Variants in PINK1 observed in about 807,000 individuals in gnomAD.
PINK1 encodes PTEN induced kinase 1, also known as serine/threonine-protein kinase PINK1, mitochondrial.
In PINK1, 58 loss-of-function variants were observed where a neutral mutation model predicts 56.0. The ratio of observed to expected loss-of-function variants is 1.04; its 90% CI spans 0.84 to 1.29. PINK1 has a LOEUF of 1.29. Among genes scored for constraint, PINK1 ranks in the 50% most tolerant of loss-of-function variants. The probability of loss-of-function intolerance (pLI) is 0.00; values close to 1 mark genes in which losing one functional copy is unlikely to be tolerated. For synonymous variants in PINK1, 354 were observed against 339.3 expected, an observed-to-expected ratio of 1.04 and a Z score of -0.48; for missense variants, 745 against 777.9, an observed-to-expected ratio of 0.96 and a Z score of 0.50.
chr1:20,633,630 G>A lies in PINK1; in HGVS notation c.82G>A (p.Ala28Thr), dbSNP rs2053015233. 7 of 1,312,346 alleles carry A rather than the reference G, an allele frequency of 5.3e-6. No individual in the cohort carries two copies. The East Asian group carries it at 1.3e-4, about 24-fold the overall frequency. 81.3% of individuals were successfully genotyped at this position (1,312,346 alleles called of 1,614,324 possible). Residue 28 changes from alanine to threonine, a missense_variant, in exon 1 of 8, where the codon GCC (alanine) becomes ACC (threonine). Transcript: ENST00000321556. ...LLRFTGKPGR[A>T]YGLGRPGPAA... The stretch of plus-strand genomic sequence containing the variant: ...GCGCTTCACGGGCAAGCCCGGCCGG[G>A]CCTACGGCTTGGGGCGGCCGGGCCC...
chr1:20,639,682 G>C (rs2154533683), intron 2 of PINK1: 1 of 635,882 alleles, frequency 1.6e-6, no homozygotes, highest in Non-Finnish European at 2.9e-6. Context: ...GGAGTGTGAA[G>C]AATCCTCTGA....
rs552625273 is a variant in PINK1, at chr1:20,638,125, T to G, written c.671T>G (p.Ile224Ser). ...TTGGCCATCAAGATGATGTGGAACA[T>G]CTCGGTAAGCACCAGGCCTTTCATC... is the stretch of plus-strand genomic sequence containing the variant. ...FPLAIKMMWN[I>S]SAGSSSEAIL... The change falls in exon 2 of 8, where the codon ATC (isoleucine) becomes AGC (serine). Residue 224 changes from isoleucine (I) to serine (S), a missense_variant. Ile to Ser is a moderately radical substitution (Grantham distance 142, BLOSUM62 -2). Coordinates refer to ENST00000321556, the MANE Select transcript of PINK1 (RefSeq NM_032409.3). The G allele has an allele frequency of 6.2e-7, 1 of 1,611,322 alleles. No homozygotes were observed. The highest frequency in any genetic ancestry group is 1.7e-5 in the Admixed American group (1 of 60,022).
chr1:20,644,212 A>T (rs980938398), intron 3 of PINK1, among the ~76,000 whole-genome samples: 7 of 152,164 alleles, frequency 4.6e-5, no homozygotes, highest in Non-Finnish European at 1.5e-5. Context: ...GGGTTTCTCC[A>T]CCTGTGTTCT....
chr1:20,650,525 T>G lies in PINK1; in HGVS notation c.1580T>G (p.Met527Arg). The change falls in exon 8 of 8, where the codon ATG (methionine) becomes AGG (arginine). Residue 527 changes from methionine to arginine, a missense_variant. Physicochemically the swap from Met to Arg is moderately conservative, Grantham distance 91. Transcript: ENST00000321556. ...CTGAAGAATCTGAAGTTAGACAAGA[T>G]GGTTGGCTGGCTCCTCCAACAATCG... ...LALKNLKLDK[M>R]VGWLLQQSAA... 4 of 1,614,228 alleles carry G rather than the reference T, an allele frequency of 2.5e-6. No homozygotes were observed. Among genetic ancestry groups the G allele is most frequent in the Non-Finnish European group, 3.4e-6 (4 of 1,180,036 alleles).
At chr1:20,649,296 AAGGTC>A in intron 7 of PINK1, 65 bp downstream of exon 7, 3 of 1,554,224 alleles carry the variant, frequency 1.9e-6, no homozygotes, top group Non-Finnish European at 2.7e-6. Context: ...TTCCAGAGTG[AAGGTC>A]AGGTTTGGGC....
intron 1 of PINK1, among the ~76,000 whole-genome samples, chr1:20,636,839 C>T (rs1557560753): frequency 6.6e-6 from 1 of 152,050 alleles, no homozygotes; most frequent in African/African-American, 2.4e-5. Flanking sequence ...ACTATAGAAA[C>T]AGGGGCTGGA....
Position 20,650,520 on chromosome 1 carries a change from C to T in PINK1, c.1575C>T (p.Asp525=). 1 of 1,614,232 alleles carries T rather than the reference C, an allele frequency of 6.2e-7. No individual in the cohort carries two copies. The highest frequency in any genetic ancestry group is 8.5e-7 in the Non-Finnish European group (1 of 1,180,052). ...HILALKNLKL[D]KMVGWLLQQS... ...TAGCCCTGAAGAATCTGAAGTTAGA[C>T]AAGATGGTTGGCTGGCTCCTCCAAC... is the stretch of plus-strand genomic sequence containing the variant. The change falls in exon 8 of 8, where the codon GAC becomes GAT. Residue 525 remains aspartate, a synonymous_variant. Coordinates refer to ENST00000321556, the MANE Select transcript of PINK1 (RefSeq NM_032409.3).
chr1:20,647,247 C>T (rs1255071428), intron 5 of PINK1, among the ~76,000 whole-genome samples: 3 of 151,370 alleles, frequency 2.0e-5, no homozygotes, highest in African/African-American at 4.9e-5. Context: ...TTAGTACAGA[C>T]GGGGTTTCAC....
chr1:20,649,261 G>A lies in PINK1; in HGVS notation c.1488+30G>A, dbSNP rs746932200. The A allele has an allele frequency of 8.1e-6, 13 of 1,607,926 alleles. No homozygotes were observed. The East Asian group carries it at 2.9e-4, about 36-fold the overall frequency. On this transcript the variant is annotated intron_variant, in intron 7 of 7. Transcript: ENST00000321556. ...GGCTGTCCCCGGCTTCGAGGGGACG[G>A]TGTGGGTAGAAACCTCTGTTCTCGT...
intron 1 of PINK1, among the ~76,000 whole-genome samples, chr1:20,636,264 C>T (rs1557560578): frequency 6.7e-6 from 1 of 150,108 alleles, no homozygotes; most frequent in East Asian, 1.9e-4. Context: ...ATGTATGTTC[C>T]ATATAATAGT....
Position 20,650,685 on chromosome 1 carries a change from C to T in PINK1, c.1740C>T (p.Ala580=), listed in dbSNP as rs1419672686. The change falls in exon 8 of 8, where the codon GCC becomes GCT. Residue 580 remains alanine (A), a synonymous_variant. Coordinates refer to ENST00000321556, the MANE Select transcript of PINK1 (RefSeq NM_032409.3). ...TCCTCCTCTGCTCATGGAGGGCAGC[C>T]CTGTGATGTCCCTGCATGGAGCTGG... is the stretch of plus-strand genomic sequence containing the variant. ...AALLLCSWRA[A]L is the part of the protein sequence containing the mutation. 1 of 1,613,428 alleles carries T rather than the reference C, an allele frequency of 6.2e-7. No homozygotes were observed. Among genetic ancestry groups the T allele is most frequent in the Admixed American group, 1.7e-5 (1 of 60,002 alleles).
At chr1:20,646,668 T>A (rs967122878) in intron 5 of PINK1, among the ~76,000 whole-genome samples, 125 of 152,104 alleles carry the variant, frequency 8.2e-4, no homozygotes, top group African/African-American at 2.7e-3. Context: ...ATTAATTAAA[T>A]TTTTCAAACA....
chr1:20,649,435 G>C, intron 7 of PINK1: 1 of 597,930 alleles, frequency 1.7e-6, no homozygotes, highest in Non-Finnish European at 2.9e-6. Context: ...CAGAATCCTA[G>C]CAGTTCAACT....
chr1:20,633,664 G>A lies in PINK1; in HGVS notation c.116G>A (p.Gly39Asp). ...TTGGGGCGGCCGGGCCCGGCGGCGG[G>A]CTGTGTCCGCGGGGAGCGTCCAGGC... ...YGLGRPGPAA[G>D]CVRGERPGWA... The change falls in exon 1 of 8, where the codon GGC (glycine) becomes GAC (aspartate). Residue 39 changes from glycine (G) to aspartate (D), a missense_variant. Transcript: ENST00000321556. 4 of 1,356,974 alleles carry A rather than the reference G, an allele frequency of 2.9e-6. No homozygotes were observed. Among genetic ancestry groups the A allele is most frequent in the Non-Finnish European group, 3.8e-6 (4 of 1,063,836 alleles). 84.1% of individuals were successfully genotyped at this position (1,356,974 alleles called of 1,614,324 possible). A position where few individuals can be genotyped will look rare whatever the true frequency, so the allele number is the denominator to read the frequency against.
At chr1:20,639,824 AG>A (rs2053097106) in intron 2 of PINK1, 67 bp from the exon 3 acceptor site, 1 of 1,424,368 alleles carries the variant, frequency 7.0e-7, no homozygotes, top group African/African-American at 1.4e-5. Context: ...GGTTACAGGC[AG>A]GGCTTACAAG....
At position 20,639,913 on chromosome 1, in the gene PINK1, A is replaced by G. The variant is rs561948589; in HGVS notation, c.697A>G (p.Ile233Val). The G allele has an allele frequency of 6.2e-7, 1 of 1,613,252 alleles. No homozygotes were observed. Among genetic ancestry groups the G allele is most frequent in the South Asian group, 1.1e-5 (1 of 90,810 alleles). The change falls in exon 3 of 8, where the codon ATC (isoleucine) becomes GTC (valine). Residue 233 changes from isoleucine (I) to valine (V), a missense_variant. Physicochemically the swap from Ile to Val is conservative, Grantham distance 29. Coordinates refer to ENST00000321556, the MANE Select transcript of PINK1 (RefSeq NM_032409.3). ...CCAGGCAGGTTCCTCCAGCGAAGCC[A>G]TCTTGAACACAATGAGCCAGGAGCT... ...NISAGSSSEA[I>V]LNTMSQELVP...
chr1:20,633,840 C>T lies in PINK1; in HGVS notation c.292C>T (p.Arg98Trp), dbSNP rs575668171. 7.0e-6 allele frequency: 11 copies of T among 1,578,244 alleles called. No homozygotes were observed. Among genetic ancestry groups the T allele is most frequent in the South Asian group, 1.2e-5 (1 of 86,788 alleles). Residue 98 changes from arginine (R) to tryptophan (W), a missense_variant, in exon 1 of 8, where the codon CGG becomes TGG. Arg to Trp is a moderately radical substitution (Grantham distance 101). Coordinates refer to ENST00000321556, the MANE Select transcript of PINK1 (RefSeq NM_032409.3). ...RAWGCAGPCG[R>W]AVFLAFGLGL... ...CTGGGGCTGCGCGGGCCCTTGCGGC[C>T]GGGCAGTCTTTCTGGCCTTCGGGCT... is the stretch of plus-strand genomic sequence containing the variant.
chr1:20,640,193 G>T (rs1352052377), intron 3 of PINK1, among the ~76,000 whole-genome samples: 2 of 152,204 alleles, frequency 1.3e-5, no homozygotes, highest in African/African-American at 4.8e-5. Flanking sequence ...TGATGCACTT[G>T]CGTAATTCAC....
rs1309593098 is a variant in PINK1 at position 20,648,541 on chromosome 1, G to T, written c.1160G>T (p.Cys387Phe). 1 of 1,614,068 alleles carries T rather than the reference G, an allele frequency of 6.2e-7. No homozygotes were observed. The highest frequency in any genetic ancestry group is 1.3e-5 in the African/African-American group (1 of 74,936). Reference protein sequence around the residue: ...CPWLVIADFGCCLADESIGLQ... With the variant: ...CPWLVIADFGFCLADESIGLQ... ...TGGCTGGTGATCGCAGATTTTGGCTGCTGCCTGGCTGATGAGAGCATCGGC... is the reference window on the plus strand; with the variant it reads ...TGGCTGGTGATCGCAGATTTTGGCTTCTGCCTGGCTGATGAGAGCATCGGC... The change falls in exon 6 of 8, where the codon TGC (cysteine) becomes TTC (phenylalanine). Residue 387 changes from cysteine to phenylalanine, a missense_variant. By Grantham distance (205) the Cys-to-Phe change is radical (BLOSUM62 -2). Transcript: ENST00000321556.
Sources: allele counts gnomAD v4.1 joint callset (sites outside exome capture counted in the v4.1 genomes callset), GRCh38; gene constraint gnomAD v4.1.1; transcripts MANE v1.5; gene names NCBI Gene and HGNC (gene_info 2026-07-23, HGNC 2026-07-21).